ZNF77: variants seen among roughly 807,000 people sequenced by gnomAD.
ZNF77 encodes ZNFpT1.
In ZNF77, 15 loss-of-function variants were observed where a neutral mutation model predicts 13.5. That is an observed-to-expected ratio of 1.11 (90% CI 0.74 to 1.71). The LOEUF is 1.71. Among genes scored for constraint, ZNF77 ranks in the 40% most tolerant of loss-of-function variants. ZNF77 has a pLI of 0.00. For missense variants in ZNF77, 717 were observed against 676.4 expected, an observed-to-expected ratio of 1.06 and a Z score of -0.67; for synonymous variants, 282 against 250.0, an observed-to-expected ratio of 1.13 and a Z score of -1.21.
At position 2,934,425 on chromosome 19, in the gene ZNF77, A is replaced by G. The variant is rs2088376560; in HGVS notation, c.702T>C (p.His234=). Residue 234 remains histidine (H), a synonymous_variant, in exon 4 of 4, where the codon CAT becomes CAC. Coordinates refer to ENST00000314531, the MANE Select transcript of ZNF77 (RefSeq NM_021217.3). ...TACATGCATGGGTTTTCTGCCCATG[A>G]TGACTATTCACATGTCCCCTGAAAG... ...PSSFRGHVNS[H]HGQKTHACKV... is the part of the protein sequence containing the mutation. 2.5e-6 allele frequency: 4 copies of G among 1,614,212 alleles called. No individual in the cohort carries two copies. The highest frequency in any genetic ancestry group is 3.4e-6 in the Non-Finnish European group (4 of 1,180,034).
At chr19:2,942,273 T>G (rs909010195) in intron 1 of ZNF77, among the ~76,000 whole-genome samples, 1 of 151,740 alleles carries the variant, frequency 6.6e-6, no homozygotes, top group African/African-American at 2.4e-5. Flanking sequence ...GGTTTCCCCA[T>G]GTCAATCAGG....
At chr19:2,943,692 A>ATTT (rs10633206) in intron 1 of ZNF77, among the ~76,000 whole-genome samples, 17,281 of 76,534 alleles carry the variant, frequency 0.23, 1,072 homozygotes, top group Non-Finnish European at 0.3. Context: ...TCTAGCCAGG[A>ATTT]TTTTTTTTTT....
At chr19:2,936,834 AAAGT>A in intron 2 of ZNF77, 130 bp from the exon 3 acceptor site, 1 of 837,330 alleles carries the variant, frequency 1.2e-6, no homozygotes, top group Non-Finnish European at 1.8e-6. Flanking sequence ...ACATGCTATC[AAAGT>A]GAGACTCTGA....
chr19:2,939,726 C>T (rs2088433129), intron 1 of ZNF77: 1 of 332,202 alleles, frequency 3.0e-6, no homozygotes. Context: ...AATCCCAGTA[C>T]TTTGAGAGGC....
chr19:2,941,779 G>A (rs1170514884), intron 1 of ZNF77, among the ~76,000 whole-genome samples: 1 of 152,170 alleles, frequency 6.6e-6, no homozygotes, highest in Non-Finnish European at 1.5e-5. Context: ...AACAGGAGAC[G>A]GAGCAGGGTC....
chr19:2,938,514 C>T (rs1183698453), intron 2 of ZNF77, among the ~76,000 whole-genome samples: 1 of 152,200 alleles, frequency 6.6e-6, no homozygotes, highest in Non-Finnish European at 1.5e-5. Context: ...CAGCCAAGGA[C>T]TGGTGATCAA....
chr19:2,938,722 C>T (rs376343202), intron 2 of ZNF77, among the ~76,000 whole-genome samples: 29 of 152,106 alleles, frequency 1.9e-4, no homozygotes, highest in African/African-American at 6.0e-4. Context: ...TTTGGGAGGC[C>T]AAGGCGGGCG....
At chr19:2,943,299 C>G (rs1315991555) in intron 1 of ZNF77, among the ~76,000 whole-genome samples, 1 of 151,940 alleles carries the variant, frequency 6.6e-6, no homozygotes, top group Non-Finnish European at 1.5e-5. Flanking sequence ...GCAACAGCCC[C>G]TTCTCCCCCT....
rs1466061719 is a variant in ZNF77 at position 2,933,838 on chromosome 19, T to G, written c.1289A>C (p.His430Pro). The change falls in exon 4 of 4, where the codon CAT becomes CCT. Residue 430 changes from histidine to proline, a missense_variant. Physicochemically the swap from His to Pro is moderately conservative, Grantham distance 77 (BLOSUM62 -2). Transcript: ENST00000314531. Reference protein sequence around the residue: ...SSSLRIHVRTHTGEKPFECKH... With the variant: ...SSSLRIHVRTPTGEKPFECKH... ...ACACTCAAAGGGCTTCTCTCCAGTATGCGTCCTCACGTGGATTCGAAGGGA... is the reference window on the plus strand; with the variant it reads ...ACACTCAAAGGGCTTCTCTCCAGTAGGCGTCCTCACGTGGATTCGAAGGGA... 1.9e-5 allele frequency: 31 copies of G among 1,613,646 alleles called. No homozygotes were observed. The highest frequency in any genetic ancestry group is 2.6e-5 in the Non-Finnish European group (31 of 1,179,754).
chr19:2,934,264 C>A lies in ZNF77; in HGVS notation c.863G>T (p.Arg288Ile). 6.2e-7 allele frequency: 1 copy of A among 1,613,540 alleles called. No homozygotes were observed. The highest frequency in any genetic ancestry group is 1.3e-5 in the African/African-American group (1 of 74,998). ...SCPSYFREHV[R>I]THTGEKPYEC... ...ATACGGTTTCTCTCCAGTGTGTGTT[C>A]TGACATGTTCTCGAAAGTATGAGGG... The change falls in exon 4 of 4, where the codon AGA becomes ATA. Residue 288 changes from arginine (R) to isoleucine (I), a missense_variant. Arg to Ile is a moderately conservative substitution (Grantham distance 97). Transcript: ENST00000314531.
intron 1 of ZNF77, among the ~76,000 whole-genome samples, chr19:2,944,382 G>T (rs2088478065): frequency 7.5e-6 from 1 of 134,072 alleles, no homozygotes; most frequent in South Asian, 2.4e-4. Context: ...CGCCTCTACG[G>T]CCCCCTCAAA....
rs189320858 is a variant in ZNF77 at position 2,936,115 on chromosome 19, A to C, written c.311+409T>G. Among the ~76,000 whole-genome samples, 82 of 151,898 alleles carry C rather than the reference A, an allele frequency of 5.4e-4. No individual in the cohort carries two copies. The East Asian group carries it at 0.015, about 28-fold the overall frequency. On this transcript the variant is annotated intron_variant, in intron 3 of 3. Transcript: ENST00000314531. ...AAGAGAAAATAAAGAAAAAGAAAAA[A>C]AATGTCTCTGTGGGTCTGAAATTGT...
At chr19:2,939,621 T>A in intron 1 of ZNF77, 1 of 567,238 alleles carries the variant, frequency 1.8e-6, no homozygotes, top group African/African-American at 1.9e-5. Context: ...GCCAGAGACT[T>A]ACAAAGAATT....
chr19:2,936,813 AG>A lies in ZNF77; in HGVS notation c.131-110del, dbSNP rs1223500474. The A allele has an allele frequency of 8.0e-6, 8 of 999,442 alleles. No homozygotes were observed. In the East Asian group the frequency reaches 2.2e-4, roughly 27 times the overall value. 61.9% of individuals were successfully genotyped at this position (999,442 alleles called of 1,614,324 possible). A position where few individuals can be genotyped will look rare whatever the true frequency, so the allele number is the denominator to read the frequency against. On this transcript the variant is annotated intron_variant, in intron 2 of 3. Transcript: ENST00000314531. Reference sequence around the variant, plus strand: ...GTAATCCAAAAATGTACCGTTTATAAGGAAGAATAGACATGCTATCAAAGTG... The same window carrying A: ...GTAATCCAAAAATGTACCGTTTATAAGAAGAATAGACATGCTATCAAAGTG...
intron 3 of ZNF77, among the ~76,000 whole-genome samples, chr19:2,936,109 G>GA (rs1315647154): frequency 1.4e-4 from 21 of 148,928 alleles, no homozygotes; most frequent in Admixed American, 6.7e-4. Flanking sequence ...TAAAGAAAAA[G>GA]AAAAAAAATG....
At chr19:2,938,695 G>C (rs543711412) in intron 2 of ZNF77, among the ~76,000 whole-genome samples, 1 of 152,154 alleles carries the variant, frequency 6.6e-6, no homozygotes, top group Non-Finnish European at 1.5e-5. Context: ...GGTGGCTCAC[G>C]CCTGTAATCC....
rs1299068481 is a variant in ZNF77 at position 2,934,476 on chromosome 19, A to G, written c.651T>C (p.Cys217=). 1.2e-6 allele frequency: 2 copies of G among 1,614,206 alleles called. No homozygotes were observed. Among genetic ancestry groups the G allele is most frequent in the Admixed American group, 1.7e-5 (1 of 60,012 alleles). The part of the protein sequence containing the change: ...SSKKSYECQK[C]GKAFICPSSF... ...ATGAGGGACAAATGAAAGCTTTTCC[A>G]CATTTCTGACATTCATAAGACTTTT... is the stretch of plus-strand genomic sequence containing the variant. The change falls in exon 4 of 4, where the codon TGT becomes TGC. Residue 217 remains cysteine, a synonymous_variant. Coordinates refer to ENST00000314531, the MANE Select transcript of ZNF77 (RefSeq NM_021217.3).
chr19:2,934,069 T>G lies in ZNF77; in HGVS notation c.1058A>C (p.Glu353Ala). 1 of 1,614,132 alleles carries G rather than the reference T, an allele frequency of 6.2e-7. No individual in the cohort carries two copies. Among genetic ancestry groups the G allele is most frequent in the Non-Finnish European group, 8.5e-7 (1 of 1,180,022 alleles). The change falls in exon 4 of 4, where the codon GAA becomes GCA. Residue 353 changes from glutamate (E) to alanine (A), a missense_variant. Glu to Ala is a moderately radical substitution (Grantham distance 107, BLOSUM62 -1). Coordinates refer to ENST00000314531, the MANE Select transcript of ZNF77 (RefSeq NM_021217.3). Reference sequence around the variant, plus strand: ...GAAGGCTTTGCCGCATTCCTTACATTCATAGGGTTTCTCTCCACTGTGCGT... The same window carrying G: ...GAAGGCTTTGCCGCATTCCTTACATGCATAGGGTTTCTCTCCACTGTGCGT... ...GRTHSGEKPY[E>A]CKECGKAFRY...
At chr19:2,941,767 C>G (rs1004876542) in intron 1 of ZNF77, among the ~76,000 whole-genome samples, 3 of 152,184 alleles carry the variant, frequency 2.0e-5, no homozygotes, top group Non-Finnish European at 2.9e-5. Context: ...TGCGCAGATA[C>G]TAACAGGAGA....
Sources: gnomAD v4.1 joint callset for allele counts (sites outside exome capture counted in the v4.1 genomes callset) on GRCh38, gnomAD v4.1.1 for gene constraint, MANE v1.5 for transcripts, NCBI Gene and HGNC (gene_info 2026-07-23, HGNC 2026-07-21) for gene names.